CADM2: variants seen among roughly 807,000 people sequenced by gnomAD.
The protein encoded by CADM2 is cell adhesion molecule 2, also known as immunoglobulin superfamily member 4D.
In CADM2, 12 loss-of-function variants were observed where a neutral mutation model predicts 49.8. The observed-to-expected ratio is 0.24, with a 90% CI of 0.15 to 0.39. The LOEUF is 0.39. CADM2 is among the 10% of genes least tolerant of loss of function. The pLI, the probability that CADM2 is intolerant of heterozygous loss-of-function variation, is 1.00. For missense variants in CADM2, 378 were observed against 492.3 expected (o/e 0.77, Z 2.20); for synonymous variants, 214 against 175.4 (o/e 1.22, Z -1.74).
At chr3:85,670,467 C>T (rs1386613804) in intron 1 of CADM2, among the ~76,000 whole-genome samples, 4 of 151,976 alleles carry the variant, frequency 2.6e-5, no homozygotes, top group Non-Finnish European at 5.9e-5. Flanking sequence ...AAAATTTTTG[C>T]GCTCTGCTGA....
chr3:85,886,170 A>C lies in CADM2; in HGVS notation c.392-20A>C. On this transcript the variant is annotated intron_variant, in intron 4 of 9. Transcript: ENST00000383699. ...AACCCTGAAGATTGATGCTCACTTC[A>C]TCATTCGCTTAAATTTCAGGTGTTC... is the stretch of plus-strand genomic sequence containing the variant. 1 of 1,611,822 alleles carries C rather than the reference A, an allele frequency of 6.2e-7. No homozygotes were observed. Among genetic ancestry groups the C allele is most frequent in the Non-Finnish European group, 8.5e-7 (1 of 1,178,332 alleles).
At chr3:85,046,013 T>A (rs902884762) in intron 1 of CADM2, among the ~76,000 whole-genome samples, 1 of 152,066 alleles carries the variant, frequency 6.6e-6, no homozygotes. Flanking sequence ...GAACAGGTGG[T>A]TATGTTAATT....
intron 8 of CADM2, among the ~76,000 whole-genome samples, chr3:86,017,168 GTA>G (rs138958837): frequency 0.098 from 13,836 of 141,090 alleles, 676 homozygotes; most frequent in African/African-American, 0.14. Context: ...GTGTGTGTGT[GTA>G]TATATATATA....
At chr3:85,587,871 A>C (rs2107325865) in intron 1 of CADM2, among the ~76,000 whole-genome samples, 1 of 152,122 alleles carries the variant, frequency 6.6e-6, no homozygotes, top group Non-Finnish European at 1.5e-5. Context: ...CAGCATACTG[A>C]GTAGCTGGAA....
chr3:85,194,228 T>C (rs1312049113), intron 1 of CADM2, among the ~76,000 whole-genome samples: 1 of 151,972 alleles, frequency 6.6e-6, no homozygotes, highest in Non-Finnish European at 1.5e-5. Context: ...GTTCAATTAT[T>C]CTGGACCAGA....
chr3:85,591,079 T>A (rs1315103395), intron 1 of CADM2, among the ~76,000 whole-genome samples: 1 of 152,002 alleles, frequency 6.6e-6, no homozygotes. Flanking sequence ...TAGTAATATT[T>A]CAGTGTAAGT....
At chr3:85,541,869 G>C (rs1471485856) in intron 1 of CADM2, among the ~76,000 whole-genome samples, 1 of 149,350 alleles carries the variant, frequency 6.7e-6, no homozygotes, top group Non-Finnish European at 1.5e-5. Flanking sequence ...TGTAGGTTGA[G>C]TAGAAAAAAA....
intron 2 of CADM2, among the ~76,000 whole-genome samples, chr3:85,744,034 AAAC>A (rs1038169189): frequency 5.3e-5 from 8 of 152,206 alleles, no homozygotes; most frequent in African/African-American, 1.9e-4. Flanking sequence ...GGGGGAAGAC[AAAC>A]AACAATAATA....
chr3:85,709,072 C>A (rs1359383260), intron 1 of CADM2, among the ~76,000 whole-genome samples: 2 of 151,958 alleles, frequency 1.3e-5, no homozygotes, highest in African/African-American at 2.4e-5. Flanking sequence ...GTAATAAAAT[C>A]TGTTTATTAT....
chr3:85,462,057 G>A (rs2038271831), intron 1 of CADM2, among the ~76,000 whole-genome samples: 1 of 152,062 alleles, frequency 6.6e-6, no homozygotes, highest in South Asian at 2.1e-4. Flanking sequence ...GGTTACCACT[G>A]TCTGACAAAG....
At chr3:85,359,907 CA>C (rs2032229447) in intron 1 of CADM2, among the ~76,000 whole-genome samples, 1 of 150,926 alleles carries the variant, frequency 6.6e-6, no homozygotes, top group African/African-American at 2.4e-5. Context: ...TTCTATCAGG[CA>C]GATTATCAAA....
At chr3:85,898,276 A>G (rs2108440876) in intron 5 of CADM2, among the ~76,000 whole-genome samples, 1 of 152,222 alleles carries the variant, frequency 6.6e-6, no homozygotes, top group South Asian at 2.1e-4. Context: ...TTATTTTAAA[A>G]ATAAATTTAT....
intron 1 of CADM2, among the ~76,000 whole-genome samples, chr3:85,429,268 G>T (rs1455828643): frequency 6.6e-6 from 1 of 151,972 alleles, no homozygotes; most frequent in Non-Finnish European, 1.5e-5. Context: ...CGCTTTCATA[G>T]TATTTTATAT....
At chr3:85,873,899 A>C (rs1450722368) in intron 3 of CADM2, among the ~76,000 whole-genome samples, 1 of 152,126 alleles carries the variant, frequency 6.6e-6, no homozygotes, top group Non-Finnish European at 1.5e-5. Flanking sequence ...CAAAAGGGAA[A>C]TATTAGTAAG....
intron 1 of CADM2, among the ~76,000 whole-genome samples, chr3:84,975,370 T>G (rs2031751427): frequency 6.6e-6 from 1 of 151,774 alleles, no homozygotes. Flanking sequence ...AAGAGAAAAC[T>G]TATAAGGGAT....
In CADM2 at chr3:85,121,612, C is replaced by T. The variant is rs537257850; in HGVS notation, c.61+161944C>T. On this transcript the variant is annotated intron_variant, in intron 1 of 9. Transcript: ENST00000383699. ...TAAGCTATGCAAAGGACAAGAGATA[C>T]ATCAATAAATAATTTAGATATATTT... is the stretch of plus-strand genomic sequence containing the variant. Among the ~76,000 whole-genome samples the T allele has an allele frequency of 2.0e-5, 3 of 152,256 alleles. No individual in the cohort carries two copies. In the East Asian group the frequency reaches 5.8e-4, roughly 29 times the overall value.
At chr3:85,066,025 G>C (rs2036515982) in intron 1 of CADM2, among the ~76,000 whole-genome samples, 1 of 152,142 alleles carries the variant, frequency 6.6e-6, no homozygotes, top group Non-Finnish European at 1.5e-5. Flanking sequence ...ATATGTGGAT[G>C]AGAGTGGGGA....
At chr3:85,771,832 G>C (rs1024068937) in intron 2 of CADM2, among the ~76,000 whole-genome samples, 2 of 151,944 alleles carry the variant, frequency 1.3e-5, no homozygotes, top group African/African-American at 4.8e-5. Flanking sequence ...AGCTGAAGAA[G>C]GGATTTTGCT....
intron 8 of CADM2, among the ~76,000 whole-genome samples, chr3:85,984,432 A>T (rs1157867637): frequency 1.3e-5 from 2 of 151,658 alleles, no homozygotes; most frequent in African/African-American, 4.8e-5. Context: ...CATTTTATAG[A>T]TGATGTTAAC....
Sources: gnomAD v4.1 joint callset for allele counts (sites outside exome capture counted in the v4.1 genomes callset) on GRCh38, gnomAD v4.1.1 for gene constraint, MANE v1.5 for transcripts, NCBI Gene and HGNC (gene_info 2026-07-23, HGNC 2026-07-21) for gene names.